Variants in SPP2 observed in about 807,000 individuals in gnomAD.
SPP2 encodes secreted phosphoprotein 24.
SPP2 carries 34 observed loss-of-function variants against 28.8 expected under a neutral mutation model. The ratio of observed to expected loss-of-function variants is 1.18; its 90% CI spans 0.90 to 1.57. The LOEUF (loss-of-function observed/expected upper bound fraction) is 1.57. SPP2 is among the 40% of genes most tolerant of loss of function. The pLI is 0.00. For synonymous variants in SPP2, 96 were observed against 89.4 expected, an observed-to-expected ratio of 1.07 and a Z score of -0.42; for missense variants, 269 against 263.9, an observed-to-expected ratio of 1.02 and a Z score of -0.13.
rs371867593 is a variant in SPP2, at chr2:234,055,404, T to G, written c.211-3432T>G. 2.0e-5 allele frequency among the ~76,000 whole-genome samples: 3 copies of G among 152,320 alleles called. No homozygotes were observed. In the South Asian group the frequency reaches 6.2e-4, roughly 32 times the overall value. On this transcript the variant is annotated intron_variant, in intron 2 of 7. Transcript: ENST00000168148. The stretch of plus-strand genomic sequence containing the variant: ...CCCACATAATGGAGGGTCATCTGCT[T>G]TACTTAAAGTCCACTGATTTAAATA...
chr2:234,060,730 T>C (rs10195232), intron 4 of SPP2, among the ~76,000 whole-genome samples: 43,384 of 147,978 alleles, frequency 0.29, 6,352 homozygotes, highest in South Asian at 0.49. Flanking sequence ...CACACACACA[T>C]ATGCACACAC....
intron 4 of SPP2, among the ~76,000 whole-genome samples, chr2:234,062,905 A>C (rs1447753389): frequency 1.3e-5 from 2 of 152,176 alleles, no homozygotes; most frequent in African/African-American, 2.4e-5. Flanking sequence ...TTCTAAGAAG[A>C]CTCAGATATT....
At chr2:234,057,532 C>T (rs558934161) in intron 2 of SPP2, among the ~76,000 whole-genome samples, 1 of 152,140 alleles carries the variant, frequency 6.6e-6, no homozygotes, top group Non-Finnish European at 1.5e-5. Flanking sequence ...TCTTGATAGC[C>T]CCATAACTAT....
intron 7 of SPP2, among the ~76,000 whole-genome samples, chr2:234,074,841 G>A (rs964094781): frequency 1.3e-5 from 2 of 152,090 alleles, no homozygotes; most frequent in Non-Finnish European, 2.9e-5. Context: ...TGAACTCTTG[G>A]CCAACAGCTC....
chr2:234,075,551 C>G (rs911852979), intron 7 of SPP2, among the ~76,000 whole-genome samples: 1 of 152,176 alleles, frequency 6.6e-6, no homozygotes, highest in African/African-American at 2.4e-5. Context: ...GAGATTTGGT[C>G]CCCTCTCAGG....
At chr2:234,063,038 T>A (rs1206936380) in intron 4 of SPP2, among the ~76,000 whole-genome samples, 2 of 152,142 alleles carry the variant, frequency 1.3e-5, no homozygotes, top group Non-Finnish European at 2.9e-5. Flanking sequence ...ATTAAAAAAT[T>A]CTACAATTTG....
At chr2:234,062,014 C>G (rs1299063013) in intron 4 of SPP2, among the ~76,000 whole-genome samples, 1 of 152,164 alleles carries the variant, frequency 6.6e-6, no homozygotes, top group Non-Finnish European at 1.5e-5. Flanking sequence ...TACACTGTGG[C>G]CCCGCTAACC....
In SPP2 at chr2:234,055,855, CT is replaced by C. The variant is rs57524937; in HGVS notation, c.211-2969del. Among the ~76,000 whole-genome samples the C allele has an allele frequency of 5.9e-3, 859 of 144,476 alleles. 6 individuals are homozygous for C. Among genetic ancestry groups the C allele is most frequent in the African/African-American group, 0.018 (706 of 39,852 alleles). 94.8% of individuals were successfully genotyped at this position (144,476 alleles called of 152,430 possible). A position where few individuals can be genotyped will look rare whatever the true frequency, so the allele number is the denominator to read the frequency against. On this transcript the variant is annotated intron_variant, in intron 2 of 7. Transcript: ENST00000168148. ...GTTTTTAATTTTCTCCAGTTGACTT[CT>C]TTTTTTTTTTTGGAAATGAATTATT...
intron 3 of SPP2, among the ~76,000 whole-genome samples, chr2:234,059,316 A>C (rs2125456219): frequency 6.6e-6 from 1 of 152,312 alleles, no homozygotes; most frequent in Non-Finnish European, 1.5e-5. Flanking sequence ...TCTTCCTGGC[A>C]CATGTCACGT....
intron 2 of SPP2, among the ~76,000 whole-genome samples, chr2:234,054,090 T>C (rs1391947309): frequency 6.6e-6 from 1 of 152,222 alleles, no homozygotes; most frequent in Non-Finnish European, 1.5e-5. Context: ...TGATGCTGCA[T>C]CTTTGAGCTA....
At chr2:234,074,076 T>G (rs1690849069) in intron 7 of SPP2, among the ~76,000 whole-genome samples, 1 of 152,154 alleles carries the variant, frequency 6.6e-6, no homozygotes. Flanking sequence ...AGCAGAGGCA[T>G]TTAGAGGCCC....
At chr2:234,059,939 T>C (rs756075775) in intron 3 of SPP2, among the ~76,000 whole-genome samples, 20 of 152,220 alleles carry the variant, frequency 1.3e-4, no homozygotes, top group Non-Finnish European at 2.5e-4. Context: ...ATGTTTGATT[T>C]GTTATTTGTT....
At chr2:234,058,545 G>A (rs966113507) in intron 2 of SPP2, among the ~76,000 whole-genome samples, 3 of 152,190 alleles carry the variant, frequency 2.0e-5, no homozygotes, top group African/African-American at 7.2e-5. Context: ...TCCACAAACA[G>A]TGAGGATCAA....
intron 4 of SPP2, among the ~76,000 whole-genome samples, chr2:234,062,636 G>A (rs1349066269): frequency 6.6e-6 from 1 of 152,122 alleles, no homozygotes; most frequent in East Asian, 1.9e-4. Flanking sequence ...GAATAAATAT[G>A]GAGTAAATAT....
At chr2:234,068,621 T>C (rs1390949664) in intron 6 of SPP2, among the ~76,000 whole-genome samples, 3 of 152,106 alleles carry the variant, frequency 2.0e-5, no homozygotes, top group Non-Finnish European at 4.4e-5. Flanking sequence ...TTTGGGAGAA[T>C]ATACAGTTAT....
intron 4 of SPP2, among the ~76,000 whole-genome samples, chr2:234,062,665 G>A (rs1693743477): frequency 6.6e-6 from 1 of 152,142 alleles, no homozygotes; most frequent in African/African-American, 2.4e-5. Flanking sequence ...TAAGAGGTGA[G>A]AGAGAATGCT....
Position 234,051,179 on chromosome 2 carries a change from T to C in SPP2, c.210+84T>C, listed in dbSNP as rs572168044. 22 of 1,521,124 alleles carry C rather than the reference T, an allele frequency of 1.4e-5. No individual in the cohort carries two copies. In the East Asian group the frequency reaches 5.0e-4, roughly 35 times the overall value. 94.2% of individuals were successfully genotyped at this position (1,521,124 alleles called of 1,614,324 possible). A position where few individuals can be genotyped will look rare whatever the true frequency, so the allele number is the denominator to read the frequency against. ...GTTCATTGGATATACTTTTAAGAAA[T>C]TTTCTCCAGTTTAAAAATGATAGTA... is the stretch of plus-strand genomic sequence containing the variant. On this transcript the variant is annotated intron_variant, in intron 2 of 7. Transcript: ENST00000168148.
chr2:234,065,375 G>C (rs1041865199), intron 4 of SPP2, among the ~76,000 whole-genome samples: 2 of 152,136 alleles, frequency 1.3e-5, no homozygotes, highest in Admixed American at 6.5e-5. Flanking sequence ...TGTCTCCTGG[G>C]TTCAAGCAAT....
chr2:234,057,594 C>T (rs13396164), intron 2 of SPP2, among the ~76,000 whole-genome samples: 48,369 of 152,050 alleles, frequency 0.32, 8,233 homozygotes, highest in East Asian at 0.52. Context: ...GTGGCACCTC[C>T]TCTGGAATTT....
Sources: allele counts gnomAD v4.1 joint callset (sites outside exome capture counted in the v4.1 genomes callset), GRCh38; gene constraint gnomAD v4.1.1; transcripts MANE v1.5; gene names NCBI Gene and HGNC (gene_info 2026-07-23, HGNC 2026-07-21).